Variants in TRABD2A observed in about 807,000 individuals in gnomAD.
TRABD2A encodes metalloprotease TIKI1.
Under a neutral mutation model 45.6 loss-of-function variants are expected in TRABD2A, and 43 were observed. The ratio of observed to expected loss-of-function variants is 0.94; its 90% CI spans 0.74 to 1.22. TRABD2A has a LOEUF of 1.22. TRABD2A is among the 50% of genes most tolerant of loss of function. TRABD2A has a pLI of 0.00. For missense variants in TRABD2A, 642 were observed against 652.4 expected (o/e 0.98, Z 0.17); for synonymous variants, 269 against 265.0 (o/e 1.02, Z -0.15).
chr2:84,876,688 C>A lies in TRABD2A; in HGVS notation c.108+4244G>T, dbSNP rs574600335. Among the ~76,000 whole-genome samples, 38 of 152,242 alleles carry A rather than the reference C, an allele frequency of 2.5e-4. No individual in the cohort carries two copies. The South Asian group carries it at 3.3e-3, about 13-fold the overall frequency. On this transcript the variant is annotated intron_variant, in intron 1 of 6. Coordinates refer to ENST00000409520, the MANE Select transcript of TRABD2A (RefSeq NM_001277053.2). Reference sequence around the variant, plus strand: ...CAGCCTTAACATGCAATAGACTTTACCTCTGATTCAGAGTCATATCTTTTT... The same window carrying A: ...CAGCCTTAACATGCAATAGACTTTAACTCTGATTCAGAGTCATATCTTTTT...
At chr2:84,825,793 T>A (rs887338779) in intron 5 of TRABD2A, among the ~76,000 whole-genome samples, 3 of 152,028 alleles carry the variant, frequency 2.0e-5, no homozygotes, top group African/African-American at 7.2e-5. Flanking sequence ...CCACCTGAGC[T>A]CCACATCCTC....
intron 2 of TRABD2A, among the ~76,000 whole-genome samples, chr2:84,845,309 G>A (rs182542446): frequency 1.0e-3 from 159 of 152,320 alleles, no homozygotes; most frequent in Non-Finnish European, 9.1e-4. Context: ...CTGAGATTGT[G>A]CCACTGCACT....
intron 2 of TRABD2A, among the ~76,000 whole-genome samples, chr2:84,865,067 G>T (rs1682631019): frequency 6.6e-6 from 1 of 152,130 alleles, no homozygotes; most frequent in South Asian, 2.1e-4. Flanking sequence ...GAATCATCCT[G>T]GAGCCATCTG....
chr2:84,880,917 C>A lies in TRABD2A; in HGVS notation c.108+15G>T. ...GCAGAGAGGCCGGCTCTCCAGCACC[C>A]GACGCGCGCCTTACTTGGGGCTTGA... On this transcript the variant is annotated intron_variant, in intron 1 of 6. Transcript: ENST00000409520. 1.3e-6 allele frequency: 2 copies of A among 1,578,286 alleles called. No homozygotes were observed. Among genetic ancestry groups the A allele is most frequent in the Non-Finnish European group, 1.7e-6 (2 of 1,162,466 alleles).
chr2:84,840,233 G>C (rs1681662420), intron 3 of TRABD2A, among the ~76,000 whole-genome samples: 1 of 152,092 alleles, frequency 6.6e-6, no homozygotes, highest in Non-Finnish European at 1.5e-5. Flanking sequence ...GCCTCGAAAT[G>C]ATATTCTTTC....
intron 6 of TRABD2A, among the ~76,000 whole-genome samples, chr2:84,823,220 T>C (rs1382893944): frequency 2.0e-5 from 3 of 151,998 alleles, no homozygotes. Context: ...CACACACACA[T>C]ATGCATGCAC....
At chr2:84,857,082 C>T (rs747561995) in intron 2 of TRABD2A, among the ~76,000 whole-genome samples, 13 of 152,148 alleles carry the variant, frequency 8.5e-5, no homozygotes, top group South Asian at 2.1e-4. Flanking sequence ...AGAGAGGATT[C>T]GCCCTGATCT....
At chr2:84,845,135 G>A (rs1681839158) in intron 2 of TRABD2A, among the ~76,000 whole-genome samples, 2 of 152,124 alleles carry the variant, frequency 1.3e-5, no homozygotes, top group South Asian at 4.1e-4. Flanking sequence ...TGGATCCCTT[G>A]AGGTCAGGAG....
intron 2 of TRABD2A, among the ~76,000 whole-genome samples, chr2:84,856,037 C>T (rs1370825469): frequency 1.3e-5 from 2 of 152,246 alleles, no homozygotes; most frequent in African/African-American, 2.4e-5. Flanking sequence ...CAAAGGGCCT[C>T]GCATCTGTTC....
chr2:84,877,912 T>A (rs765354084), intron 1 of TRABD2A, among the ~76,000 whole-genome samples: 2 of 152,216 alleles, frequency 1.3e-5, no homozygotes, highest in Non-Finnish European at 2.9e-5. Flanking sequence ...TTTTTGAGCA[T>A]CTGCTATGGC....
At chr2:84,864,403 T>A (rs966313286) in intron 2 of TRABD2A, among the ~76,000 whole-genome samples, 1 of 152,176 alleles carries the variant, frequency 6.6e-6, no homozygotes, top group Non-Finnish European at 1.5e-5. Flanking sequence ...TGTAAGTCAG[T>A]CCTCTCAATA....
At chr2:84,831,795 C>T (rs1161838066) in intron 5 of TRABD2A, among the ~76,000 whole-genome samples, 1 of 152,174 alleles carries the variant, frequency 6.6e-6, no homozygotes, top group African/African-American at 2.4e-5. Flanking sequence ...CACCTTCCCC[C>T]GCTTGCCAAA....
intron 2 of TRABD2A, among the ~76,000 whole-genome samples, chr2:84,856,728 T>C (rs1440238470): frequency 6.6e-6 from 1 of 152,146 alleles, no homozygotes; most frequent in Non-Finnish European, 1.5e-5. Flanking sequence ...TTCTGCTCGC[T>C]TTGGTCACAT....
At chr2:84,836,282 A>G (rs1002302994) in intron 4 of TRABD2A, 2 of 152,242 alleles carry the variant, frequency 1.3e-5, no homozygotes, top group Non-Finnish European at 2.9e-5. Flanking sequence ...TTCAGCTCAC[A>G]TGCAACAGAT....
chr2:84,873,558 C>T lies in TRABD2A; in HGVS notation c.109-2773G>A, dbSNP rs1020611315. On this transcript the variant is annotated intron_variant, in intron 1 of 6. Transcript: ENST00000409520. ...TGAGGTTATTTAAATACTTCAAAAACGAAATGGAAACTGTACATCTACCAA... is the reference window on the plus strand; with the variant it reads ...TGAGGTTATTTAAATACTTCAAAAATGAAATGGAAACTGTACATCTACCAA... Among the ~76,000 whole-genome samples, 12 of 152,276 alleles carry T rather than the reference C, an allele frequency of 7.9e-5. No homozygotes were observed. The East Asian group carries it at 9.6e-4, about 12-fold the overall frequency.
intron 2 of TRABD2A, among the ~76,000 whole-genome samples, chr2:84,866,590 A>G (rs1442941959): frequency 3.3e-5 from 5 of 152,218 alleles, no homozygotes; most frequent in Non-Finnish European, 7.3e-5. Flanking sequence ...AGTTAAATAT[A>G]AAATTATCAG....
intron 2 of TRABD2A, among the ~76,000 whole-genome samples, chr2:84,866,179 AG>A (rs1464804127): frequency 6.6e-6 from 1 of 152,222 alleles, no homozygotes; most frequent in African/African-American, 2.4e-5. Context: ...TCTAGGTGAA[AG>A]GTAACAGGGA....
Position 84,870,217 on chromosome 2 carries a change from A to G in TRABD2A, c.669+8T>C. ...GCCACTAAGTCTTTTATGCAAAGAG[A>G]GTCTTACCTGTGAAAAGTTCAACCC... is the stretch of plus-strand genomic sequence containing the variant. On this transcript the variant is annotated splice_region_variant and intron_variant, in intron 2 of 6. Transcript: ENST00000409520. 3 of 1,598,740 alleles carry G rather than the reference A, an allele frequency of 1.9e-6. No individual in the cohort carries two copies. Among genetic ancestry groups the G allele is most frequent in the Non-Finnish European group, 2.6e-6 (3 of 1,170,346 alleles).
At chr2:84,850,014 T>A (rs1682028277) in intron 2 of TRABD2A, among the ~76,000 whole-genome samples, 1 of 152,168 alleles carries the variant, frequency 6.6e-6, no homozygotes, top group South Asian at 2.1e-4. Flanking sequence ...AATTCACATT[T>A]TAAGTTTCCA....
Sources: gnomAD v4.1 joint callset for allele counts (sites outside exome capture counted in the v4.1 genomes callset) on GRCh38, gnomAD v4.1.1 for gene constraint, MANE v1.5 for transcripts, NCBI Gene and HGNC (gene_info 2026-07-23, HGNC 2026-07-21) for gene names.